The following PPP1R12B variants were observed in gnomAD, a reference collection of about 807,000 sequenced individuals.
The protein encoded by PPP1R12B is myosin phosphatase target subunit 2.
PPP1R12B carries 76 observed loss-of-function variants against 126.1 expected under a neutral mutation model. The ratio of observed to expected loss-of-function variants is 0.60; its 90% CI spans 0.50 to 0.73. The LOEUF is 0.73. PPP1R12B is among the 30% of genes least tolerant of loss of function. The probability of loss-of-function intolerance (pLI) is 0.00; values close to 1 mark genes in which losing one functional copy is unlikely to be tolerated. For synonymous variants in PPP1R12B, 356 were observed against 434.7 expected, an observed-to-expected ratio of 0.82 and a Z score of 2.25; for missense variants, 1,052 against 1,205.1, an observed-to-expected ratio of 0.87 and a Z score of 1.88.
At chr1:202,358,991 A>G (rs1657639282) in intron 1 of PPP1R12B, among the ~76,000 whole-genome samples, 1 of 152,146 alleles carries the variant, frequency 6.6e-6, no homozygotes, top group Non-Finnish European at 1.5e-5. Flanking sequence ...TAAGCATTTT[A>G]TTATGGAATA....
In PPP1R12B at chr1:202,375,842, G is replaced by A. The variant is rs577393242; in HGVS notation, c.291+26700G>A. ...ATGCTGGCATGAGCCATGGCATCCC[G>A]CCCCCACTTTGTTTCTTATAGCTTA... On this transcript the variant is annotated intron_variant, in intron 1 of 23. Transcript: ENST00000608999. Among the ~76,000 whole-genome samples the A allele has an allele frequency of 6.6e-5, 10 of 152,240 alleles. No individual in the cohort carries two copies. In the East Asian group the frequency reaches 7.7e-4, roughly 12 times the overall value.
rs370927660 is a variant in PPP1R12B at position 202,380,420 on chromosome 1, T to C, written c.291+31278T>C. Among the ~76,000 whole-genome samples the C allele has an allele frequency of 5.3e-5, 8 of 152,326 alleles. No homozygotes were observed. The East Asian group carries it at 7.7e-4, about 15-fold the overall frequency. ...GCTGTTGCCCTAGTGGAGAGTTTTA[T>C]AAAATGGTTTTGATATGACCTGTGA... On this transcript the variant is annotated intron_variant, in intron 1 of 23. Coordinates refer to ENST00000608999, the MANE Select transcript of PPP1R12B (RefSeq NM_002481.4).
chr1:202,446,232 C>CTA (rs1361128258), intron 12 of PPP1R12B, among the ~76,000 whole-genome samples: 3 of 73,424 alleles, frequency 4.1e-5, no homozygotes, highest in South Asian at 5.9e-4. Context: ...CTCTCTCTCT[C>CTA]TCTCTATATA....
chr1:202,472,653 A>C (rs1343841222), intron 13 of PPP1R12B, among the ~76,000 whole-genome samples: 1 of 152,234 alleles, frequency 6.6e-6, no homozygotes, highest in African/African-American at 2.4e-5. Context: ...AAGATGATAT[A>C]GTAGTTATCT....
chr1:202,555,325 GAA>G (rs56752885), intron 18 of PPP1R12B, among the ~76,000 whole-genome samples: 3,279 of 24,896 alleles, frequency 0.13, 24 homozygotes, highest in Non-Finnish European at 0.16. Flanking sequence ...CTGTTTTAAT[GAA>G]AAAAAAAAAA....
At chr1:202,529,658 A>G (rs1374410632) in intron 18 of PPP1R12B, among the ~76,000 whole-genome samples, 2 of 152,182 alleles carry the variant, frequency 1.3e-5, no homozygotes, top group African/African-American at 2.4e-5. Context: ...TATAGGTTAC[A>G]TTTTCAAGAA....
At chr1:202,507,154 C>T (rs1680901371) in intron 18 of PPP1R12B, among the ~76,000 whole-genome samples, 1 of 152,116 alleles carries the variant, frequency 6.6e-6, no homozygotes, top group East Asian at 1.9e-4. Context: ...GGAGAAACTG[C>T]TCTTAGTTTT....
intron 23 of PPP1R12B, among the ~76,000 whole-genome samples, chr1:202,572,928 C>T (rs1688743819): frequency 6.6e-6 from 1 of 152,210 alleles, no homozygotes; most frequent in South Asian, 2.1e-4. Flanking sequence ...AGATTGTTTC[C>T]TGCCTCTCTC....
intron 18 of PPP1R12B, among the ~76,000 whole-genome samples, chr1:202,555,937 G>A (rs1233581138): frequency 6.7e-6 from 1 of 150,060 alleles, no homozygotes; most frequent in Non-Finnish European, 1.5e-5. Context: ...GTGCAGTGAC[G>A]CTATCTCAGC....
intron 1 of PPP1R12B, among the ~76,000 whole-genome samples, chr1:202,364,798 G>A (rs955998833): frequency 6.6e-6 from 1 of 152,022 alleles, no homozygotes; most frequent in African/African-American, 2.4e-5. Flanking sequence ...GGATGATCTC[G>A]ATCTCCTGAC....
chr1:202,374,344 T>G (rs1361513268), intron 1 of PPP1R12B, among the ~76,000 whole-genome samples: 3 of 152,176 alleles, frequency 2.0e-5, no homozygotes, highest in Non-Finnish European at 4.4e-5. Flanking sequence ...GTTAACTATG[T>G]GCTAGATACC....
At chr1:202,446,741 A>T (rs1456212846) in intron 12 of PPP1R12B, among the ~76,000 whole-genome samples, 2 of 151,764 alleles carry the variant, frequency 1.3e-5, no homozygotes, top group African/African-American at 2.4e-5. Context: ...ATATGTAACG[A>T]TAAATCTAAA....
rs941102582 is a variant in PPP1R12B, at chr1:202,589,545, G to A, written c.*8985G>A. 3 of 152,256 alleles carry A rather than the reference G, an allele frequency of 2.0e-5. No individual in the cohort carries two copies. The highest frequency in any genetic ancestry group is 4.4e-5 in the Non-Finnish European group (3 of 68,086). The allele number at this position is 152,256 out of a possible 1,614,324, so 9.4% of individuals were successfully genotyped here. A position where few individuals can be genotyped will look rare whatever the true frequency, so the allele number is the denominator to read the frequency against. On this transcript the variant is annotated 3_prime_UTR_variant, in exon 24 of 24. Transcript: ENST00000608999. ...TGCAAAGGGTTCCTAGACTGCAAAT[G>A]TCATTTCTCTTTCTGACCCCCACTG... is the stretch of plus-strand genomic sequence containing the variant.
chr1:202,512,331 T>G (rs1419347214), intron 18 of PPP1R12B, among the ~76,000 whole-genome samples: 1 of 152,146 alleles, frequency 6.6e-6, no homozygotes, highest in Non-Finnish European at 1.5e-5. Context: ...GAGTTTCTGA[T>G]GGTAGGTGTG....
chr1:202,554,672 T>C (rs186016352), intron 18 of PPP1R12B, among the ~76,000 whole-genome samples: 3 of 152,116 alleles, frequency 2.0e-5, no homozygotes, highest in African/African-American at 7.2e-5. Flanking sequence ...TCTAGGAAAA[T>C]TGTCTACCGC....
At chr1:202,412,782 A>T (rs1419867060) in intron 1 of PPP1R12B, among the ~76,000 whole-genome samples, 4 of 152,036 alleles carry the variant, frequency 2.6e-5, no homozygotes, top group Non-Finnish European at 4.4e-5. Context: ...GTCCCCTTCC[A>T]TTTTTTTACT....
chr1:202,357,511 G>A (rs1040237624), intron 1 of PPP1R12B, among the ~76,000 whole-genome samples: 1 of 152,110 alleles, frequency 6.6e-6, no homozygotes, highest in Admixed American at 6.6e-5. Flanking sequence ...TTAAATGAGG[G>A]CCCAAAATAT....
intron 1 of PPP1R12B, among the ~76,000 whole-genome samples, chr1:202,365,802 G>A (rs1276975985): frequency 6.6e-6 from 1 of 151,516 alleles, no homozygotes; most frequent in East Asian, 2.0e-4. Context: ...CTTAGCCTGG[G>A]CAACATAGCA....
chr1:202,488,564 G>C lies in PPP1R12B; in HGVS notation c.1882G>C (p.Ala628Pro). ...TCTGACTCCTGTACGGGATGAGGAAGCAGAGTCTTTACGGAAAGCACGCTC... is the reference window on the plus strand; with the variant it reads ...TCTGACTCCTGTACGGGATGAGGAACCAGAGTCTTTACGGAAAGCACGCTC... ...SYLTPVRDEE[A>P]ESLRKARSRQ... Residue 628 changes from alanine to proline, a missense_variant, in exon 14 of 24, where the codon GCA becomes CCA. Ala to Pro is a conservative substitution (Grantham distance 27). Coordinates refer to ENST00000608999, the MANE Select transcript of PPP1R12B (RefSeq NM_002481.4). The C allele has an allele frequency of 6.2e-7, 1 of 1,612,744 alleles. No homozygotes were observed. Among genetic ancestry groups the C allele is most frequent in the African/African-American group, 1.3e-5 (1 of 75,012 alleles).
Sources: allele counts gnomAD v4.1 joint callset (sites outside exome capture counted in the v4.1 genomes callset), GRCh38; gene constraint gnomAD v4.1.1; transcripts MANE v1.5; gene names NCBI Gene and HGNC (gene_info 2026-07-23, HGNC 2026-07-21).